Variants in NBPF20 observed in about 807,000 individuals in gnomAD.
The protein encoded by NBPF20 is NBPF member 20.
A neutral mutation model predicts 68.1 loss-of-function variants in NBPF20; 90 were observed. The ratio of observed to expected loss-of-function variants is 1.32; its 90% CI spans 1.11 to 1.58. The LOEUF is 1.58. NBPF20 is among the 40% of genes most tolerant of loss of function. NBPF20 has a pLI of 0.00. For synonymous variants in NBPF20, 290 were observed against 228.1 expected (o/e 1.27, Z -2.45); for missense variants, 816 against 601.2 (o/e 1.36, Z -3.74).
exon 138 of NBPF20, chr1:145,291,433 G>A (rs1300217694): frequency 7.4e-5 from 119 of 1,610,168 alleles, no homozygotes; most frequent in Non-Finnish European, 9.3e-5. Context: ...CCTATGTCTG[G>A]GCTTCCAAAT....
chr1:145,404,929 A>G (rs1175030213), intron 2 of NBPF20, among the ~76,000 whole-genome samples, 169 bp downstream of exon 7: 2 of 151,900 alleles, frequency 1.3e-5, no homozygotes, highest in Non-Finnish European at 2.9e-5. Flanking sequence ...GAAAGTTGCT[A>G]AATACTTTGG....
At chr1:145,412,351 C>T in the NBPF20 span, among the ~76,000 whole-genome samples, 8 of 151,960 alleles carry the variant, frequency 5.3e-5, 1 homozygote, top group Non-Finnish European at 1.0e-4. Flanking sequence ...ATTAAGACAC[C>T]CTTGGGTTGC....
intron 13 of NBPF20, among the ~76,000 whole-genome samples, chr1:145,390,323 C>CAG (rs1426992234): frequency 1.9e-4 from 12 of 64,004 alleles, no homozygotes; most frequent in East Asian, 5.3e-4. Context: ...GACACACACA[C>CAG]ACACACACAC....
the NBPF20 span, among the ~76,000 whole-genome samples, chr1:145,410,631 G>A: frequency 1.3e-5 from 2 of 150,380 alleles, no homozygotes; most frequent in Non-Finnish European, 3.0e-5. Context: ...CTTCTTTTCT[G>A]AAGTATCTAA....
exon 138 of NBPF20, chr1:145,291,521 G>T: frequency 6.2e-7 from 1 of 1,612,004 alleles, no homozygotes. Flanking sequence ...CTTAGTAAGG[G>T]CTGTTTATTG....
chr1:145,291,532 T>G, exon 138 of NBPF20: 3 of 1,611,984 alleles, frequency 1.9e-6, no homozygotes, highest in Non-Finnish European at 2.5e-6. Context: ...CTGTTTATTG[T>G]GGGAATATGA....
At chr1:145,291,686 T>G (rs782233838) in exon 138 of NBPF20, 3 of 1,611,908 alleles carry the variant, frequency 1.9e-6, no homozygotes, top group Non-Finnish European at 1.7e-6. Context: ...TAGTTCAAAG[T>G]ACATTGACGG....
At chr1:145,311,806 A>G (rs1407082052) in intron 112 of NBPF20, among the ~76,000 whole-genome samples, 1 of 93,632 alleles carries the variant, frequency 1.1e-5, no homozygotes, top group East Asian at 2.9e-4. Context: ...TAGGAGAAAA[A>G]CTGCACTATT....
At chr1:145,419,129 A>AAGGG in the NBPF20 span, among the ~76,000 whole-genome samples, 1 of 118,990 alleles carries the variant, frequency 8.4e-6, no homozygotes, top group Non-Finnish European at 1.8e-5. Flanking sequence ...GGCAGGGAGG[A>AAGGG]AGGGAGGAAG....
chr1:145,404,248 G>T (rs1449763526), intron 2 of NBPF20, among the ~76,000 whole-genome samples: 2 of 125,138 alleles, frequency 1.6e-5, no homozygotes, highest in Non-Finnish European at 3.3e-5. Flanking sequence ...TTTTATTTTT[G>T]ATTTATTTAT....
At chr1:145,407,916 T>A (rs1388583650), upstream of NBPF20, 2 of 158,536 alleles carry the variant, frequency 1.3e-5, no homozygotes, top group Admixed American at 6.5e-5. Flanking sequence ...TGGCAAAGAC[T>A]GGTCAAGCTT....
exon 138 of NBPF20, chr1:145,290,122 C>T (rs1553656919): frequency 6.7e-6 from 1 of 148,708 alleles, no homozygotes; most frequent in African/African-American, 2.5e-5. Context: ...AACAAAGGCA[C>T]AGTAAAAATT....
intron 2 of NBPF20, among the ~76,000 whole-genome samples, chr1:145,403,650 A>G (rs1350699238): frequency 2.0e-5 from 3 of 152,176 alleles, no homozygotes; most frequent in Non-Finnish European, 4.4e-5. Flanking sequence ...CCTCTCCTCT[A>G]AAACACTGCA....
At chr1:145,392,988 G>T in intron 10 of NBPF20, 86 bp downstream of exon 15, 5 of 346,770 alleles carry the variant, frequency 1.4e-5, no homozygotes, top group Non-Finnish European at 1.5e-5. Context: ...ACATCTCTCA[G>T]CTCAGTAAGG....
chr1:145,409,225 T>C (rs1412811262), upstream of NBPF20, among the ~76,000 whole-genome samples: 1 of 151,946 alleles, frequency 6.6e-6, no homozygotes, highest in Non-Finnish European at 1.5e-5. Context: ...TAATGTCTCG[T>C]AAATACTGAG....
chr1:145,411,246 C>T, the NBPF20 span, among the ~76,000 whole-genome samples: 1 of 149,086 alleles, frequency 6.7e-6, no homozygotes, highest in Admixed American at 6.7e-5. Context: ...GAAGAACTGA[C>T]TTTTTAAACA....
the NBPF20 span, among the ~76,000 whole-genome samples, chr1:145,421,312 G>A: frequency 4.6e-5 from 7 of 152,110 alleles, no homozygotes; most frequent in Non-Finnish European, 7.4e-5. Context: ...AGGCTGTCTC[G>A]CTGAGCTTTC....
chr1:145,406,157 G>A (rs587764501), upstream of NBPF20, among the ~76,000 whole-genome samples: 8 of 143,248 alleles, frequency 5.6e-5, no homozygotes, highest in Middle Eastern at 3.8e-3. Context: ...CGATGGTCTC[G>A]ATCTCCTGAC....
At chr1:145,410,664 T>C in the NBPF20 span, among the ~76,000 whole-genome samples, 4 of 149,632 alleles carry the variant, frequency 2.7e-5, no homozygotes, top group African/African-American at 7.3e-5. Flanking sequence ...ATTGTTTCAA[T>C]GTGCTGTTTA....
Sources: allele counts gnomAD v4.1 joint callset (sites outside exome capture counted in the v4.1 genomes callset), GRCh38; gene constraint gnomAD v4.1.1; transcripts MANE v1.5; gene names NCBI Gene and HGNC (gene_info 2026-07-23, HGNC 2026-07-21).